The following ADCY9 variants were observed in gnomAD, a reference collection of about 807,000 sequenced individuals.
The protein encoded by ADCY9 is adenylate cyclase 9.
In ADCY9, 50 loss-of-function variants were observed where a neutral mutation model predicts 101.5. That is an observed-to-expected ratio of 0.49 (90% CI 0.39 to 0.62). ADCY9 has a LOEUF of 0.62. ADCY9 is among the 20% of genes least tolerant of loss of function. The probability of loss-of-function intolerance (pLI) is 0.00; values close to 1 mark genes in which losing one functional copy is unlikely to be tolerated. For synonymous variants in ADCY9, 905 were observed against 769.3 expected (o/e 1.18, Z -2.92); for missense variants, 1,662 against 1,800.4 (o/e 0.92, Z 1.39).
chr16:3,991,963 T>G (rs2056247769), intron 5 of ADCY9, among the ~76,000 whole-genome samples, 183 bp downstream of exon 5: 1 of 151,682 alleles, frequency 6.6e-6, no homozygotes, highest in African/African-American at 2.4e-5. Flanking sequence ...CCCAGCTACT[T>G]GGGAGGCTGA....
At chr16:4,046,588 A>C (rs1458448095) in intron 2 of ADCY9, among the ~76,000 whole-genome samples, 1 of 152,228 alleles carries the variant, frequency 6.6e-6, no homozygotes. Flanking sequence ...TACTTCATGA[A>C]AAAGTACTGA....
chr16:4,107,024 G>A (rs2057081624), intron 2 of ADCY9, among the ~76,000 whole-genome samples: 1 of 152,108 alleles, frequency 6.6e-6, no homozygotes, highest in Non-Finnish European at 1.5e-5. Context: ...TTTACCAGAG[G>A]TTACTTCTAC....
At chr16:3,984,860 G>A (rs1197532434) in intron 6 of ADCY9, among the ~76,000 whole-genome samples, 2 of 152,232 alleles carry the variant, frequency 1.3e-5, no homozygotes, top group South Asian at 2.1e-4. Flanking sequence ...TGGGTGCGGT[G>A]TGCGTTCTTT....
chr16:3,967,618 C>T (rs1319114930), intron 10 of ADCY9, among the ~76,000 whole-genome samples: 1 of 151,410 alleles, frequency 6.6e-6, no homozygotes, highest in Non-Finnish European at 1.5e-5. Flanking sequence ...GTCTTAAACT[C>T]GTAACTTCAA....
intron 10 of ADCY9, among the ~76,000 whole-genome samples, chr16:3,970,564 G>A (rs1372927143): frequency 6.6e-6 from 1 of 151,108 alleles, no homozygotes; most frequent in Non-Finnish European, 1.5e-5. Flanking sequence ...CTGACCTCAG[G>A]TGATCCACCC....
chr16:4,062,058 C>G (rs970186015), intron 2 of ADCY9, among the ~76,000 whole-genome samples: 1 of 152,138 alleles, frequency 6.6e-6, no homozygotes, highest in African/African-American at 2.4e-5. Flanking sequence ...GTGGCTCATG[C>G]CTGTAATCCC....
In ADCY9 at chr16:3,966,617, TCTC is replaced by T; in HGVS notation, c.3217_3219del (p.Glu1073del). On this transcript the variant is annotated inframe_deletion, in exon 11 of 11. Coordinates refer to ENST00000294016, the MANE Select transcript of ADCY9 (RefSeq NM_001116.4). Reference sequence around the variant, plus strand: ...TAGCACTCCTTGCCGCCCTCGTAGTTCTCCTCGTAGAACTCGCTGAAGTTGACG... The same window carrying T: ...TAGCACTCCTTGCCGCCCTCGTAGTTCTCGTAGAACTCGCTGAAGTTGACG... The T allele has an allele frequency of 6.2e-7, 1 of 1,614,084 alleles. No homozygotes were observed. The highest frequency in any genetic ancestry group is 8.5e-7 in the Non-Finnish European group (1 of 1,180,020).
At chr16:3,973,071 T>C (rs1269093484) in intron 10 of ADCY9, among the ~76,000 whole-genome samples, 1 of 151,684 alleles carries the variant, frequency 6.6e-6, no homozygotes, top group Non-Finnish European at 1.5e-5. Flanking sequence ...ATAGTACATA[T>C]ATAGTTTCAC....
downstream of ADCY9, among the ~76,000 whole-genome samples, chr16:3,960,548 C>A (rs2055931792): frequency 6.6e-6 from 1 of 152,120 alleles, no homozygotes; most frequent in African/African-American, 2.4e-5. Flanking sequence ...GAAACAACAA[C>A]AACAAAAAAT....
chr16:3,958,084 GTCCCCAACCATCGGCTCT>G (rs1167155031), downstream of ADCY9, among the ~76,000 whole-genome samples: 2 of 152,126 alleles, frequency 1.3e-5, no homozygotes, highest in Admixed American at 6.5e-5. Flanking sequence ...AGACGTCTGG[GTCCCCAACCATCGGCTCT>G]TCCCTCAAAG....
In ADCY9 at chr16:3,963,512, C is replaced by A. The variant is rs769153312; in HGVS notation, c.*2263G>T. 16 of 387,318 alleles carry A rather than the reference C, an allele frequency of 4.1e-5. No individual in the cohort carries two copies. The highest frequency in any genetic ancestry group is 5.9e-5 in the Non-Finnish European group (13 of 219,258). 24.0% of individuals were successfully genotyped at this position (387,318 alleles called of 1,614,324 possible). ...AAGGCTCAGGGTGTTTGAAAGACAA[C>A]GTTAAGCTCTGGGTGAGTCTGCACG... On this transcript the variant is annotated 3_prime_UTR_variant, in exon 11 of 11. Transcript: ENST00000294016.
intron 2 of ADCY9, among the ~76,000 whole-genome samples, chr16:4,077,307 T>C (rs576051005): frequency 6.6e-6 from 1 of 152,256 alleles, no homozygotes; most frequent in Admixed American, 6.5e-5. Flanking sequence ...TCTGGAGAGA[T>C]GAGCAGATTC....
chr16:4,067,766 T>G (rs368649376), intron 2 of ADCY9, among the ~76,000 whole-genome samples: 4 of 152,190 alleles, frequency 2.6e-5, no homozygotes, highest in African/African-American at 9.7e-5. Context: ...GGAGGTGGAC[T>G]GCAACCTCCC....
Position 4,101,534 on chromosome 16 carries a change from C to T in ADCY9, c.1693+12216G>A, listed in dbSNP as rs1055895052. 1.3e-4 allele frequency among the ~76,000 whole-genome samples: 20 copies of T among 152,146 alleles called. 1 individual carries two copies. The highest frequency in any genetic ancestry group is 4.6e-4 in the African/African-American group (19 of 41,430). ...ACTCAAGCGATCCTCCTACCTTGGC[C>T]TTCCAAAGTGCTGGGATTATAGACA... On this transcript the variant is annotated intron_variant, in intron 2 of 10. Coordinates refer to ENST00000294016, the MANE Select transcript of ADCY9 (RefSeq NM_001116.4).
At chr16:4,108,809 A>G (rs899872638) in intron 2 of ADCY9, among the ~76,000 whole-genome samples, 3 of 148,646 alleles carry the variant, frequency 2.0e-5, no homozygotes, top group African/African-American at 7.5e-5. Context: ...AGGTTCAAGC[A>G]ATTCTCCTGC....
At chr16:4,071,956 G>A (rs557111188) in intron 2 of ADCY9, among the ~76,000 whole-genome samples, 76 of 152,196 alleles carry the variant, frequency 5.0e-4, no homozygotes, top group African/African-American at 1.7e-3. Context: ...GATTACAGGC[G>A]ATTCTCTTTC....
intron 2 of ADCY9, among the ~76,000 whole-genome samples, chr16:4,036,130 T>A (rs916436385): frequency 6.6e-6 from 1 of 150,610 alleles, no homozygotes; most frequent in Non-Finnish European, 1.5e-5. Flanking sequence ...AGAAGCTCCT[T>A]GTATCTTCCT....
intron 3 of ADCY9, among the ~76,000 whole-genome samples, chr16:4,004,333 C>T (rs1462000053): frequency 2.0e-5 from 3 of 151,584 alleles, no homozygotes; most frequent in Non-Finnish European, 2.9e-5. Context: ...GGACCAAAGC[C>T]CTGGCCTTTG....
chr16:3,958,123 G>A (rs1377722563), downstream of ADCY9, among the ~76,000 whole-genome samples: 2 of 152,132 alleles, frequency 1.3e-5, no homozygotes, highest in East Asian at 3.9e-4. Flanking sequence ...AGCAGCGGGG[G>A]CTCTGCGGGA....
Sources: allele counts gnomAD v4.1 joint callset (sites outside exome capture counted in the v4.1 genomes callset), GRCh38; gene constraint gnomAD v4.1.1; transcripts MANE v1.5; gene names NCBI Gene and HGNC (gene_info 2026-07-23, HGNC 2026-07-21).